The following MCTP1 variants were observed in gnomAD, a reference collection of about 807,000 sequenced individuals.
The protein encoded by MCTP1 is multiple C2 and transmembrane domain containing 1, also known as multiple C2 and transmembrane domain-containing protein 1.
A neutral mutation model predicts 120.6 loss-of-function variants in MCTP1; 69 were observed. The observed-to-expected ratio is 0.57, with a 90% CI of 0.47 to 0.70. The LOEUF is 0.70. Among genes scored for constraint, MCTP1 ranks in the 30% least tolerant of loss-of-function variants. The probability of loss-of-function intolerance (pLI) is 0.00; values close to 1 mark genes in which losing one functional copy is unlikely to be tolerated. For synonymous variants in MCTP1, 529 were observed against 493.1 expected (o/e 1.07, Z -0.96); for missense variants, 1,203 against 1,248.8 (o/e 0.96, Z 0.55).
intron 1 of MCTP1, among the ~76,000 whole-genome samples, chr5:95,121,948 A>AAAAT (rs1265430371): frequency 6.6e-6 from 1 of 151,144 alleles, no homozygotes; most frequent in Non-Finnish European, 1.5e-5. Flanking sequence ...AAAAAAAAAA[A>AAAAT]AAAAGAAAGA....
intron 1 of MCTP1, among the ~76,000 whole-genome samples, chr5:95,281,604 C>T (rs1760323306): frequency 6.6e-6 from 1 of 152,192 alleles, no homozygotes; most frequent in Non-Finnish European, 1.5e-5. Flanking sequence ...ACCATTCTGT[C>T]TGCCTATATC....
intron 2 of MCTP1, chr5:94,980,915 G>T (rs1361565521): frequency 6.6e-6 from 1 of 151,900 alleles, no homozygotes; most frequent in East Asian, 1.9e-4. Flanking sequence ...ATAGTCAATG[G>T]TTATATAAGT....
At chr5:94,959,680 G>A (rs577410458) in intron 2 of MCTP1, among the ~76,000 whole-genome samples, 1 of 152,240 alleles carries the variant, frequency 6.6e-6, no homozygotes, top group South Asian at 2.1e-4. Context: ...TTGCTACAAA[G>A]AGAATACAAT....
At chr5:94,961,813 C>T (rs1375692097) in intron 2 of MCTP1, among the ~76,000 whole-genome samples, 4 of 152,138 alleles carry the variant, frequency 2.6e-5, no homozygotes, top group African/African-American at 7.2e-5. Context: ...ATTGAAGCTA[C>T]AATTAATAAC....
Position 94,912,953 on chromosome 5 carries a change from T to A in MCTP1, c.1374A>T (p.Leu458=). 2 of 1,597,394 alleles carry A rather than the reference T, an allele frequency of 1.3e-6. No individual in the cohort carries two copies. The highest frequency in any genetic ancestry group is 1.7e-6 in the Non-Finnish European group (2 of 1,173,272). ...NVQFQTQSLR[L]SDLHRKSHLW... ...GATGCGATTTTCTGTGTAGGTCTGA[T>A]AGGCGTAAACTTTGGGTCTGAAACT... Residue 458 remains leucine (L), a synonymous_variant, in exon 9 of 23, where the codon CTA becomes CTT. Coordinates refer to ENST00000515393, the MANE Select transcript of MCTP1 (RefSeq NM_024717.7).
At position 95,117,198 on chromosome 5, in the gene MCTP1, C is replaced by T. The variant is rs529128447; in HGVS notation, c.721-99714G>A. On this transcript the variant is annotated intron_variant, in intron 1 of 22. Coordinates refer to ENST00000515393, the MANE Select transcript of MCTP1 (RefSeq NM_024717.7). ...GAGGTCAGGAGATCAAGACCATCCT[C>T]GCTAACACGGTGAAACCCCGTCTCT... Among the ~76,000 whole-genome samples, 8 of 151,820 alleles carry T rather than the reference C, an allele frequency of 5.3e-5. No homozygotes were observed. The East Asian group carries it at 7.8e-4, about 15-fold the overall frequency.
intron 18 of MCTP1, among the ~76,000 whole-genome samples, chr5:94,786,849 T>C (rs1385472636): frequency 1.3e-5 from 2 of 152,246 alleles, no homozygotes; most frequent in East Asian, 1.9e-4. Flanking sequence ...GTCCATTAAA[T>C]ATTAAAATTA....
chr5:94,710,826 A>T lies in MCTP1; in HGVS notation c.2822T>A (p.Leu941His). 2 of 1,610,470 alleles carry T rather than the reference A, an allele frequency of 1.2e-6. No individual in the cohort carries two copies. The highest frequency in any genetic ancestry group is 1.7e-6 in the Non-Finnish European group (2 of 1,177,458). The change falls in exon 21 of 23, where the codon CTT becomes CAT. Residue 941 changes from leucine to histidine, a missense_variant. Around this residue, in one of 2 missense-constraint regions of MCTP1, gnomAD observed 740 missense variants for 871.1 expected, o/e 0.85. Transcript: ENST00000515393. ...GGGGAGGCTTTACTTACCCCAGACA[A>T]GGACAATGTATCTCAGCGGAATGCA... ...LYCIPLRYIVLVWGINKFTKK... is the reference protein window; with the variant it reads ...LYCIPLRYIVHVWGINKFTKK...
intron 1 of MCTP1, among the ~76,000 whole-genome samples, chr5:95,098,101 G>C (rs1384541482): frequency 1.3e-5 from 2 of 152,004 alleles, no homozygotes; most frequent in Non-Finnish European, 2.9e-5. Flanking sequence ...TAGATCAACG[G>C]TAAGTTTAGT....
At chr5:94,899,594 G>A (rs183591002) in intron 10 of MCTP1, among the ~76,000 whole-genome samples, 231 of 152,360 alleles carry the variant, frequency 1.5e-3, no homozygotes, top group African/African-American at 5.2e-3. Flanking sequence ...TGCCAAGGAA[G>A]CTGCATGAAA....
intron 3 of MCTP1, among the ~76,000 whole-genome samples, chr5:94,943,657 C>T (rs530188090): frequency 9.2e-5 from 14 of 151,844 alleles, no homozygotes; most frequent in South Asian, 2.1e-4. Context: ...GGGAGACAGA[C>T]GTTAAACAAG....
chr5:95,252,158 AG>A (rs1757443945), intron 1 of MCTP1, among the ~76,000 whole-genome samples: 1 of 152,164 alleles, frequency 6.6e-6, no homozygotes, highest in Non-Finnish European at 1.5e-5. Context: ...GGGACTTGAC[AG>A]CACCATTTGT....
chr5:95,228,209 G>C (rs1485866701), intron 1 of MCTP1, among the ~76,000 whole-genome samples: 3 of 152,032 alleles, frequency 2.0e-5, no homozygotes, highest in Non-Finnish European at 4.4e-5. Flanking sequence ...ACATCCAAAA[G>C]AACAAGAACA....
intron 1 of MCTP1, among the ~76,000 whole-genome samples, chr5:95,209,731 T>A (rs77511045): frequency 0.01 from 1,590 of 152,294 alleles, 14 homozygotes; most frequent in Middle Eastern, 0.031. Context: ...CCGGTCCCAA[T>A]TATCTTTCAA....
In MCTP1 at chr5:95,284,541, T is replaced by TCTGGCTCGCCCGCCGCGGCAGCC; in HGVS notation, c.12_34dup (p.Glu12GlyfsTer130). The stretch of plus-strand genomic sequence containing the variant: ...GAAGGAGGAGGACGCCGCCGGCGGC[T>TCTGGCTCGCCCGCCGCGGCAGCC]CTGGCTCGCCCGCCGCGGCAGCCCG... On this transcript the variant is annotated frameshift_variant, in exon 1 of 23. Transcript: ENST00000515393. LOFTEE classifies it high-confidence loss of function. The surrounding 1 kb of genome is among the most constrained non-coding windows in gnomAD (Gnocchi z 5.2). The TCTGGCTCGCCCGCCGCGGCAGCC allele has an allele frequency of 6.8e-7, 1 of 1,471,412 alleles. No individual in the cohort carries two copies. The highest frequency in any genetic ancestry group is 8.9e-7 in the Non-Finnish European group (1 of 1,122,020). 91.1% of individuals were successfully genotyped at this position (1,471,412 alleles called of 1,614,324 possible). A position where few individuals can be genotyped will look rare whatever the true frequency, so the allele number is the denominator to read the frequency against.
At chr5:95,133,048 T>A (rs751406990) in intron 1 of MCTP1, among the ~76,000 whole-genome samples, 1 of 152,210 alleles carries the variant, frequency 6.6e-6, no homozygotes, top group Non-Finnish European at 1.5e-5. Context: ...TAAAAAATCA[T>A]CACACTTAAG....
intron 1 of MCTP1, among the ~76,000 whole-genome samples, chr5:95,077,630 G>A (rs1184365807): frequency 5.3e-5 from 8 of 151,932 alleles, no homozygotes. Flanking sequence ...TCGCCACCAC[G>A]CCCAGCTAAT....
chr5:95,062,609 T>C (rs1183625832), intron 1 of MCTP1, among the ~76,000 whole-genome samples: 2 of 152,312 alleles, frequency 1.3e-5, no homozygotes, highest in South Asian at 2.1e-4. Flanking sequence ...GCAAAGGAAC[T>C]GAACAGTCCC....
chr5:95,177,808 T>A (rs539423861), intron 1 of MCTP1, among the ~76,000 whole-genome samples: 69 of 152,220 alleles, frequency 4.5e-4, no homozygotes, highest in African/African-American at 1.5e-3. Flanking sequence ...CTGGTTGAGA[T>A]CATATAAGGA....
Sources: gnomAD v4.1 joint callset for allele counts (sites outside exome capture counted in the v4.1 genomes callset) on GRCh38, gnomAD v4.1.1 for gene constraint, gnomAD v4.1.1 regional missense constraint, Gnocchi (gnomAD v3.1) non-coding constraint, MANE v1.5 for transcripts, NCBI Gene and HGNC (gene_info 2026-07-23, HGNC 2026-07-21) for gene names.